Variants in DPP4 observed in about 807,000 individuals in gnomAD.
DPP4 encodes dipeptidyl peptidase 4, also known as ADCP-2.
Under a neutral mutation model 122.4 loss-of-function variants are expected in DPP4, and 93 were observed. The observed-to-expected ratio is 0.76, with a 90% CI of 0.64 to 0.90. DPP4 has a LOEUF of 0.90. Ranked by LOEUF, DPP4 falls within the 40% of genes least tolerant of loss-of-function variation. The pLI is 0.00. For missense variants in DPP4, 914 were observed against 907.3 expected, an observed-to-expected ratio of 1.01 and a Z score of -0.09; for synonymous variants, 321 against 302.9, an observed-to-expected ratio of 1.06 and a Z score of -0.62.
intron 21 of DPP4, 100 bp from the exon 22 acceptor site, chr2:162,008,761 C>T: frequency 3.8e-6 from 4 of 1,039,174 alleles, no homozygotes; most frequent in Non-Finnish European, 5.9e-6. Flanking sequence ...ATATACTGTG[C>T]CTCTTTAGAG....
chr2:162,068,444 A>T (rs1685017290), intron 2 of DPP4, among the ~76,000 whole-genome samples: 1 of 152,116 alleles, frequency 6.6e-6, no homozygotes, highest in Non-Finnish European at 1.5e-5. Context: ...AACTTCTTTG[A>T]TAGTCATTGG....
intron 10 of DPP4, among the ~76,000 whole-genome samples, chr2:162,031,198 T>G (rs901109401): frequency 4.6e-5 from 7 of 152,178 alleles, no homozygotes; most frequent in African/African-American, 1.7e-4. Context: ...AGCAAATGAC[T>G]TTACCTCTCT....
intron 5 of DPP4, among the ~76,000 whole-genome samples, chr2:162,043,807 C>T (rs1263991931): frequency 2.0e-5 from 3 of 152,066 alleles, no homozygotes; most frequent in Non-Finnish European, 2.9e-5. Context: ...GTGGGAGAAT[C>T]GTTTGAGGAC....
At chr2:162,027,452 G>A (rs2300755) in intron 10 of DPP4, among the ~76,000 whole-genome samples, 70,753 of 151,932 alleles carry the variant, frequency 0.47, 17,642 homozygotes, top group East Asian at 0.7. Context: ...CCCCTGTCCT[G>A]TATCAGTGGT....
intron 10 of DPP4, among the ~76,000 whole-genome samples, chr2:162,028,583 G>A (rs1266176786): frequency 6.6e-6 from 1 of 152,230 alleles, no homozygotes; most frequent in East Asian, 1.9e-4. Context: ...GCCTTCCTGA[G>A]AGCCTGGACA....
intron 2 of DPP4, among the ~76,000 whole-genome samples, chr2:162,067,912 A>G (rs1685000240): frequency 6.6e-6 from 1 of 152,226 alleles, no homozygotes; most frequent in Admixed American, 6.5e-5. Context: ...AGGCTCAGGG[A>G]AGGTTGGTAG....
At chr2:162,042,363 T>C (rs961999975) in intron 5 of DPP4, among the ~76,000 whole-genome samples, 1 of 152,190 alleles carries the variant, frequency 6.6e-6, no homozygotes, top group Non-Finnish European at 1.5e-5. Context: ...TAGGAGAACA[T>C]TCATACCAGA....
intron 10 of DPP4, among the ~76,000 whole-genome samples, chr2:162,026,576 C>T (rs1683335509): frequency 1.3e-5 from 2 of 152,182 alleles, no homozygotes; most frequent in South Asian, 2.1e-4. Flanking sequence ...GTCCCCTCAT[C>T]CACGATGTCT....
intron 2 of DPP4, 120 bp downstream of exon 2, chr2:162,073,279 A>G (rs1685181619): frequency 2.1e-6 from 2 of 937,798 alleles, no homozygotes; most frequent in East Asian, 5.0e-5. Context: ...AAGCCTTCTC[A>G]GCTACACTTC....
chr2:162,073,510 C>A (rs1316035859), intron 1 of DPP4, 24 bp from the exon 2 acceptor site: 8 of 1,610,442 alleles, frequency 5.0e-6, no homozygotes, highest in Non-Finnish European at 6.8e-6. Context: ...AGATCAAGTC[C>A]AATTAGAGGG....
At chr2:162,066,566 T>C (rs929169262) in intron 2 of DPP4, among the ~76,000 whole-genome samples, 17 of 152,238 alleles carry the variant, frequency 1.1e-4, no homozygotes, top group Non-Finnish European at 2.9e-5. Flanking sequence ...CTCTATGAAC[T>C]GTAAAGGTCC....
chr2:162,009,332 C>A (rs753469839), intron 20 of DPP4, 37 bp from the exon 21 acceptor site: 6 of 1,590,978 alleles, frequency 3.8e-6, no homozygotes, highest in Middle Eastern at 1.7e-4. Flanking sequence ...ATCAGTACTG[C>A]ATTGTGTATA....
intron 23 of DPP4, among the ~76,000 whole-genome samples, chr2:162,000,398 A>G (rs1358648409): frequency 6.6e-6 from 1 of 152,144 alleles, no homozygotes; most frequent in Non-Finnish European, 1.5e-5. Flanking sequence ...TCAACCCCAG[A>G]CAGGGGGCTC....
chr2:162,019,113 T>G, intron 15 of DPP4, 110 bp downstream of exon 15: 1 of 1,019,540 alleles, frequency 9.8e-7, no homozygotes, highest in Non-Finnish European at 1.5e-6. Context: ...AAGTGCTCAA[T>G]AGCAATACCA....
chr2:161,993,626 A>T (rs186345835), intron 25 of DPP4, among the ~76,000 whole-genome samples: 6 of 152,188 alleles, frequency 3.9e-5, no homozygotes, highest in African/African-American at 1.4e-4. Context: ...AGGTGCTGAG[A>T]GAACTCACTG....
intron 2 of DPP4, among the ~76,000 whole-genome samples, chr2:162,049,728 A>C (rs560355068): frequency 1.1e-3 from 167 of 152,328 alleles, no homozygotes; most frequent in African/African-American, 3.2e-3. Flanking sequence ...TTCTGCTTTC[A>C]TCATTATAAG....
rs372683906 is a variant in DPP4 at position 162,033,511 on chromosome 2, C to T, written c.887+30G>A. ...TCCCTAGAAAGTGTAAAACTGTTTACAAGCCAAGCATTCAGGACAAGAGTC... is the reference window on the plus strand; with the variant it reads ...TCCCTAGAAAGTGTAAAACTGTTTATAAGCCAAGCATTCAGGACAAGAGTC... On this transcript the variant is annotated intron_variant, in intron 10 of 25. Transcript: ENST00000360534. The T allele has an allele frequency of 3.8e-6, 6 of 1,560,452 alleles. No individual in the cohort carries two copies. The African/African-American group carries it at 5.5e-5, about 14-fold the overall frequency.
chr2:162,058,472 A>T (rs762105478), intron 2 of DPP4, among the ~76,000 whole-genome samples: 2 of 152,226 alleles, frequency 1.3e-5, no homozygotes, highest in Non-Finnish European at 2.9e-5. Context: ...GAAACTTTCA[A>T]TTCCTCACTT....
chr2:161,994,401 G>A (rs911082171), intron 25 of DPP4, among the ~76,000 whole-genome samples: 5 of 152,216 alleles, frequency 3.3e-5, no homozygotes, highest in East Asian at 3.9e-4. Flanking sequence ...GACATAATAC[G>A]TAGAAATATC....
Sources: allele counts gnomAD v4.1 joint callset (sites outside exome capture counted in the v4.1 genomes callset), GRCh38; gene constraint gnomAD v4.1.1; transcripts MANE v1.5; gene names NCBI Gene and HGNC (gene_info 2026-07-23, HGNC 2026-07-21).